Variants in PCBP3 observed in about 807,000 individuals in gnomAD.
PCBP3 encodes poly(rC) binding protein 3.
PCBP3 carries 25 observed loss-of-function variants against 52.7 expected under a neutral mutation model. The ratio of observed to expected loss-of-function variants is 0.47; its 90% confidence interval spans 0.35 to 0.66. The LOEUF is 0.66. Among genes scored for constraint, PCBP3 ranks in the 30% least tolerant of loss-of-function variants. PCBP3 has a pLI of 0.01. For missense variants in PCBP3, 391 were observed against 490.3 expected (o/e 0.80, Z 1.91); for synonymous variants, 162 against 183.0 (o/e 0.89, Z 0.93).
chr21:45,660,215 A>G (rs1029742850), intron 1 of PCBP3, among the ~76,000 whole-genome samples: 1 of 152,064 alleles, frequency 6.6e-6, no homozygotes, highest in Non-Finnish European at 1.5e-5. Context: ...TTTTATAGTT[A>G]TAAAATATTC....
chr21:45,786,198 C>CAA (rs113617029), intron 4 of PCBP3, among the ~76,000 whole-genome samples: 2 of 140,542 alleles, frequency 1.4e-5, no homozygotes, highest in African/African-American at 5.2e-5. Context: ...TAAAAAGTTT[C>CAA]AAAAAAAAAA....
intron 1 of PCBP3, among the ~76,000 whole-genome samples, chr21:45,647,714 T>C (rs148297189): frequency 6.6e-5 from 10 of 152,164 alleles, no homozygotes; most frequent in Non-Finnish European, 1.2e-4. Flanking sequence ...CATTGTGAAA[T>C]GGTTGGAACT....
intron 4 of PCBP3, among the ~76,000 whole-genome samples, chr21:45,841,914 G>C (rs1490973804): frequency 6.6e-6 from 1 of 152,188 alleles, no homozygotes. Flanking sequence ...CTGTTGTCTA[G>C]AGACGCACAG....
intron 5 of PCBP3, among the ~76,000 whole-genome samples, chr21:45,865,079 T>G (rs959286451): frequency 1.3e-5 from 2 of 152,230 alleles, no homozygotes; most frequent in Non-Finnish European, 2.9e-5. Context: ...CTCATTTCAT[T>G]AAGATGGGGT....
At chr21:45,745,250 C>T (rs1050264182) in intron 3 of PCBP3, among the ~76,000 whole-genome samples, 18 of 152,038 alleles carry the variant, frequency 1.2e-4, no homozygotes, top group South Asian at 4.1e-4. Context: ...GCTGAGGGGA[C>T]GGTGTGGGGC....
chr21:45,897,988 C>G (rs2095874868), intron 6 of PCBP3, among the ~76,000 whole-genome samples: 1 of 152,204 alleles, frequency 6.6e-6, no homozygotes, highest in Admixed American at 6.5e-5. Context: ...GCTCTGAGCT[C>G]TAGCCCCACA....
chr21:45,739,299 C>T (rs2086188908), intron 3 of PCBP3, among the ~76,000 whole-genome samples: 1 of 130,426 alleles, frequency 7.7e-6, no homozygotes, highest in Non-Finnish European at 1.6e-5. Flanking sequence ...ATCAGCCCAC[C>T]CCTTCCTGTG....
chr21:45,780,401 A>G (rs1466919273), intron 4 of PCBP3, among the ~76,000 whole-genome samples: 1 of 152,248 alleles, frequency 6.6e-6, no homozygotes, highest in East Asian at 1.9e-4. Flanking sequence ...CTCCAAGGTC[A>G]TAGATGTTTA....
chr21:45,714,109 T>G (rs1177219489), intron 2 of PCBP3, among the ~76,000 whole-genome samples: 1 of 152,180 alleles, frequency 6.6e-6, no homozygotes, highest in African/African-American at 2.4e-5. Flanking sequence ...GTGTTTTCGT[T>G]CTCTTCAGCG....
Position 45,791,767 on chromosome 21 carries a change from G to C in PCBP3, c.-126+36315G>C, listed in dbSNP as rs1328600366. The stretch of plus-strand genomic sequence containing the variant: ...TGCCAACCGCTTGACTGACTGCACA[G>C]CAAGTGTTAGGTCGTGGCACAGGGT... On this transcript the variant is annotated intron_variant, in intron 4 of 17. Transcript: ENST00000681687. The surrounding 1 kb of genome is among the most constrained non-coding windows in gnomAD (Gnocchi z 4.2). 2.0e-5 allele frequency among the ~76,000 whole-genome samples: 3 copies of C among 152,254 alleles called. No individual in the cohort carries two copies. The highest frequency in any genetic ancestry group is 4.4e-5 in the Non-Finnish European group (3 of 68,040).
chr21:45,657,302 T>C (rs1603142634), intron 1 of PCBP3, among the ~76,000 whole-genome samples: 1 of 152,222 alleles, frequency 6.6e-6, no homozygotes, highest in East Asian at 1.9e-4. Flanking sequence ...CTCTGAAATT[T>C]AGGTCTTTGG....
chr21:45,917,401 T>G lies in PCBP3; in HGVS notation c.676-187T>G. Reference sequence around the variant, plus strand: ...GCTCTGCCCGCCCAGAGGAAGTGGGTGCGGCTCCCCTGGGGCTCCTGGTGC... The same window carrying G: ...GCTCTGCCCGCCCAGAGGAAGTGGGGGCGGCTCCCCTGGGGCTCCTGGTGC... On this transcript the variant is annotated intron_variant, in intron 12 of 17. Coordinates refer to ENST00000681687, the MANE Select transcript of PCBP3 (RefSeq NM_001384156.1). This position sits in a 1 kb window ranked among gnomAD's most constrained non-coding sequence, Gnocchi z 5.3. 6.3e-5 allele frequency: 26 copies of G among 415,532 alleles called. No homozygotes were observed. The highest frequency in any genetic ancestry group is 1.4e-4 in the East Asian group (3 of 20,884). The allele number at this position is 415,532 out of a possible 1,614,324, so 25.7% of individuals were successfully genotyped here. A position where few individuals can be genotyped will look rare whatever the true frequency, so the allele number is the denominator to read the frequency against.
At chr21:45,893,075 G>A (rs1306043508) in intron 5 of PCBP3, among the ~76,000 whole-genome samples, 1 of 152,152 alleles carries the variant, frequency 6.6e-6, no homozygotes. Flanking sequence ...GAAGGAGGGT[G>A]TTCTAGGCCC....
At chr21:45,697,156 T>C (rs1336280999) in intron 2 of PCBP3, among the ~76,000 whole-genome samples, 1 of 152,246 alleles carries the variant, frequency 6.6e-6, no homozygotes, top group Non-Finnish European at 1.5e-5. Context: ...AAGAGAAATA[T>C]GCACATATGT....
At chr21:45,665,408 T>TA (rs1389914248) in intron 1 of PCBP3, among the ~76,000 whole-genome samples, 1 of 150,674 alleles carries the variant, frequency 6.6e-6, no homozygotes, top group East Asian at 1.9e-4. Flanking sequence ...ATCCCACCTT[T>TA]AAAAAAAAAG....
At chr21:45,726,550 C>T (rs1603338080) in intron 2 of PCBP3, among the ~76,000 whole-genome samples, 2 of 152,274 alleles carry the variant, frequency 1.3e-5, no homozygotes, top group African/African-American at 4.8e-5. Flanking sequence ...ATGCCCCATC[C>T]CTGCTTTCCC....
intron 1 of PCBP3, among the ~76,000 whole-genome samples, chr21:45,652,051 A>C (rs2079719500): frequency 6.6e-6 from 1 of 152,206 alleles, no homozygotes; most frequent in Admixed American, 6.5e-5. Flanking sequence ...CTATTATCAC[A>C]TTCCTATCTT....
At position 45,829,385 on chromosome 21, in the gene PCBP3, G is replaced by A. The variant is rs2093389265; in HGVS notation, c.-125-20576G>A. 1 of 152,144 alleles carries A rather than the reference G, an allele frequency of 6.6e-6. No individual in the cohort carries two copies. Among genetic ancestry groups the A allele is most frequent in the Non-Finnish European group, 1.5e-5 (1 of 68,074 alleles). 9.4% of individuals were successfully genotyped at this position (152,144 alleles called of 1,614,324 possible). ...CACACTGGCATAGCTCCCTGCACAG[G>A]GAGCCCGGGACCAGGCAGAGGGTGC... is the stretch of plus-strand genomic sequence containing the variant. On this transcript the variant is annotated intron_variant, in intron 4 of 17. Transcript: ENST00000681687. This position sits in a 1 kb window ranked among gnomAD's most constrained non-coding sequence, Gnocchi z 5.2.
chr21:45,899,805 G>T (rs1461059568), intron 7 of PCBP3, among the ~76,000 whole-genome samples, 183 bp downstream of exon 7: 1 of 152,144 alleles, frequency 6.6e-6, no homozygotes, highest in East Asian at 1.9e-4. Flanking sequence ...ATTGAAGCTG[G>T]TCCCTGGCTC....
Sources: allele counts gnomAD v4.1 joint callset (sites outside exome capture counted in the v4.1 genomes callset), GRCh38; gene constraint gnomAD v4.1.1; non-coding constraint Gnocchi (gnomAD v3.1); transcripts MANE v1.5; gene names NCBI Gene and HGNC (gene_info 2026-07-23, HGNC 2026-07-21).